The following RANBP2 variants were observed in gnomAD, a reference collection of about 807,000 sequenced individuals.
RANBP2 encodes RAN binding protein 2, also known as E3 SUMO-protein ligase RanBP2.
Under a neutral mutation model 303.6 loss-of-function variants are expected in RANBP2, and 57 were observed. The observed-to-expected ratio is 0.19, with a 90% CI of 0.15 to 0.23. The LOEUF is 0.23. Among genes scored for constraint, RANBP2 ranks in the 10% least tolerant of loss-of-function variants. The pLI, the probability that RANBP2 is intolerant of heterozygous loss-of-function variation, is 1.00. For synonymous variants in RANBP2, 1,167 were observed against 1,301.5 expected, an observed-to-expected ratio of 0.90 and a Z score of 2.23; for missense variants, 3,138 against 3,780.8, an observed-to-expected ratio of 0.83 and a Z score of 4.46.
chr2:108,940,696 T>A, the RANBP2 span, among the ~76,000 whole-genome samples: 1 of 152,212 alleles, frequency 6.6e-6, no homozygotes, highest in South Asian at 2.1e-4. Flanking sequence ...TTACAACACG[T>A]CACACCACGC....
chr2:108,901,540 T>G, the RANBP2 span, among the ~76,000 whole-genome samples: 1 of 152,272 alleles, frequency 6.6e-6, no homozygotes, highest in East Asian at 1.9e-4. Context: ...GAGACAGTTA[T>G]TTGAAAAGAT....
At chr2:109,552,898 G>T in the RANBP2 span, 1 of 627,794 alleles carries the variant, frequency 1.6e-6, no homozygotes, top group Non-Finnish European at 2.6e-6. Context: ...AAAAAAAGAA[G>T]GCCAAAGTTT....
At chr2:108,941,735 C>T in the RANBP2 span, among the ~76,000 whole-genome samples, 1 of 152,218 alleles carries the variant, frequency 6.6e-6, no homozygotes, top group Non-Finnish European at 1.5e-5. Context: ...AGCCTTCTCT[C>T]CTAGGATGTG....
chr2:109,521,074 G>A, the RANBP2 span, among the ~76,000 whole-genome samples: 16 of 152,004 alleles, frequency 1.1e-4, no homozygotes, highest in African/African-American at 3.1e-4. Context: ...AAAATTAGCC[G>A]GGCGTGGTGG....
chr2:109,097,312 A>G, the RANBP2 span, among the ~76,000 whole-genome samples: 1 of 97,236 alleles, frequency 1.0e-5, no homozygotes, highest in East Asian at 2.8e-4. Context: ...CAAAAACAAA[A>G]CAAAAAACAA....
the RANBP2 span, chr2:109,546,094 A>C: frequency 6.2e-7 from 1 of 1,605,702 alleles, no homozygotes; most frequent in Non-Finnish European, 8.5e-7. Flanking sequence ...CTGTTGCCAG[A>C]AAGGACTGGC....
At chr2:109,588,188 G>T in the RANBP2 span, among the ~76,000 whole-genome samples, 4 of 151,696 alleles carry the variant, frequency 2.6e-5, no homozygotes, top group East Asian at 5.8e-4. Flanking sequence ...GACAACTTCA[G>T]ATAAACAAAA....
At chr2:109,668,553 G>A in the RANBP2 span, among the ~76,000 whole-genome samples, 1 of 152,194 alleles carries the variant, frequency 6.6e-6, no homozygotes, top group Non-Finnish European at 1.5e-5. Context: ...CAGAGAAAGT[G>A]GGACTCTAGG....
chr2:108,928,548 CTATT>C, the RANBP2 span, among the ~76,000 whole-genome samples: 3 of 152,184 alleles, frequency 2.0e-5, no homozygotes, highest in African/African-American at 7.2e-5. Flanking sequence ...TCTTTAGTCT[CTATT>C]TGTAGCCCTT....
the RANBP2 span, among the ~76,000 whole-genome samples, chr2:108,966,936 G>GGTTT: frequency 1.7e-4 from 26 of 152,238 alleles, no homozygotes; most frequent in South Asian, 6.2e-4. Context: ...ATTGTGCATG[G>GGTTT]GTTTGTTTGT....
intron 1 of RANBP2, among the ~76,000 whole-genome samples, chr2:108,722,797 A>G (rs1303066605): frequency 6.6e-6 from 1 of 151,236 alleles, no homozygotes; most frequent in East Asian, 1.9e-4. Flanking sequence ...AGGCTGAGAC[A>G]GGAGAATTGC....
At chr2:109,012,305 A>AG in the RANBP2 span, among the ~76,000 whole-genome samples, 1 of 152,148 alleles carries the variant, frequency 6.6e-6, no homozygotes, top group Non-Finnish European at 1.5e-5. Flanking sequence ...CTGGGAGGAA[A>AG]GGGTGGGGGG....
chr2:109,471,253 G>A, the RANBP2 span, among the ~76,000 whole-genome samples: 1 of 150,104 alleles, frequency 6.7e-6, no homozygotes, highest in Non-Finnish European at 1.5e-5. Flanking sequence ...CTGAGACTGA[G>A]TAATGTATAA....
the RANBP2 span, among the ~76,000 whole-genome samples, chr2:108,867,532 C>T: frequency 7.9e-5 from 12 of 152,222 alleles, no homozygotes; most frequent in Non-Finnish European, 1.3e-4. Context: ...TAGCACTCCC[C>T]TCCCCAAGCC....
chr2:109,184,021 C>T, the RANBP2 span, among the ~76,000 whole-genome samples: 2 of 152,170 alleles, frequency 1.3e-5, no homozygotes, highest in African/African-American at 4.8e-5. Flanking sequence ...TTGAGTGACA[C>T]GGTGTGTGTT....
At chr2:109,439,756 A>T in the RANBP2 span, among the ~76,000 whole-genome samples, 2 of 152,122 alleles carry the variant, frequency 1.3e-5, no homozygotes, top group Admixed American at 6.5e-5. Flanking sequence ...AAGGAGCTAG[A>T]TACAGGCAAG....
At chr2:109,168,153 A>G in the RANBP2 span, among the ~76,000 whole-genome samples, 4 of 152,334 alleles carry the variant, frequency 2.6e-5, no homozygotes, top group East Asian at 7.7e-4. Context: ...GTGTGCTTTC[A>G]GGAAGCCAAA....
At chr2:109,573,582 C>A in the RANBP2 span, among the ~76,000 whole-genome samples, 19 of 152,178 alleles carry the variant, frequency 1.2e-4, no homozygotes, top group African/African-American at 4.6e-4. Flanking sequence ...GGCAGGCCTT[C>A]AGGCTTTCCA....
the RANBP2 span, among the ~76,000 whole-genome samples, chr2:109,096,293 A>C: frequency 6.6e-6 from 1 of 152,244 alleles, no homozygotes; most frequent in Non-Finnish European, 1.5e-5. Flanking sequence ...TATTCATATA[A>C]ATATGTTATT....
Sources: allele counts gnomAD v4.1 joint callset (sites outside exome capture counted in the v4.1 genomes callset), GRCh38; gene constraint gnomAD v4.1.1; transcripts MANE v1.5; gene names NCBI Gene and HGNC (gene_info 2026-07-23, HGNC 2026-07-21).